Variants in PRSS1 observed in about 807,000 individuals in gnomAD.
PRSS1 encodes serine protease 1, also known as TCR V beta 4.1.
In PRSS1, 22 loss-of-function variants were observed where a neutral mutation model predicts 24.2. The ratio of observed to expected loss-of-function variants is 0.91; its 90% confidence interval spans 0.65 to 1.30. The LOEUF (loss-of-function observed/expected upper bound fraction) is 1.30. Among genes scored for constraint, PRSS1 ranks in the 50% most tolerant of loss-of-function variants. The pLI is 0.00. For synonymous variants in PRSS1, 126 were observed against 116.1 expected, an observed-to-expected ratio of 1.08 and a Z score of -0.55; for missense variants, 366 against 304.2, an observed-to-expected ratio of 1.20 and a Z score of -1.51.
rs1454337017 is a variant in PRSS1 at position 142,751,922 on chromosome 7, G to A, written c.349G>A (p.Ala117Thr). 3 of 1,613,906 alleles carry A rather than the reference G, an allele frequency of 1.9e-6. No individual in the cohort carries two copies. Among genetic ancestry groups the A allele is most frequent in the Non-Finnish European group, 2.5e-6 (3 of 1,180,018 alleles). Residue 117 changes from alanine to threonine, a missense_variant, in exon 3 of 5, where the codon GCA becomes ACA. Physicochemically the swap from Ala to Thr is moderately conservative, Grantham distance 58. Coordinates refer to ENST00000311737, the MANE Select transcript of PRSS1 (RefSeq NM_002769.5). ...CATGTTAATCAAGCTCTCCTCACGT[G>A]CAGTAATCAACGCCCGCGTGTCCAC... ...DIMLIKLSSRAVINARVSTIS... is the reference protein window; with the variant it reads ...DIMLIKLSSRTVINARVSTIS...
intron 2 of PRSS1, 85 bp from the exon 3 acceptor site, chr7:142,751,689 C>A: frequency 6.2e-7 from 1 of 1,612,942 alleles, no homozygotes. Flanking sequence ...TGTCCATGAG[C>A]AGAGAGCTTG....
intron 2 of PRSS1, chr7:142,751,223 G>A: frequency 1.6e-6 from 1 of 635,962 alleles, no homozygotes; most frequent in Non-Finnish European, 2.8e-6. Context: ...CGCCCTGCAG[G>A]CTTGTTAAGG....
intron 4 of PRSS1, 148 bp from the exon 5 acceptor site, chr7:142,752,720 G>T (rs1798857718): frequency 1.3e-6 from 2 of 1,500,930 alleles, no homozygotes; most frequent in Admixed American, 1.7e-5. Context: ...GCTGCATCTT[G>T]TCTGCTTAGG....
chr7:142,750,726 G>T lies in PRSS1; in HGVS notation c.200+12G>T, dbSNP rs1225621552. The T allele has an allele frequency of 6.2e-7, 1 of 1,613,706 alleles. No homozygotes were observed. Among genetic ancestry groups the T allele is most frequent in the Non-Finnish European group, 8.5e-7 (1 of 1,179,814 alleles). On this transcript the variant is annotated intron_variant, in intron 2 of 4. Transcript: ENST00000311737. ...CACTGCTACAAGTCGTAAGTGTGGG[G>T]CCCCCGACTGCAAAGCTCCCGGCCA... is the stretch of plus-strand genomic sequence containing the variant.
rs371622191 is a variant in PRSS1, at chr7:142,751,078, G to C, written c.200+364G>C. ...CTTTGTCCTATCCCAGGGCAATTAA[G>C]TCAAAATTTTCAGGAAGAGGGTGTG... On this transcript the variant is annotated intron_variant, in intron 2 of 4. Transcript: ENST00000311737. 68 of 597,008 alleles carry C rather than the reference G, an allele frequency of 1.1e-4. No homozygotes were observed. In the East Asian group the frequency reaches 1.6e-3, roughly 14 times the overall value. 37.0% of individuals were successfully genotyped at this position (597,008 alleles called of 1,614,324 possible).
At chr7:142,749,562 C>A (rs760254656) in intron 1 of PRSS1, 38 bp downstream of exon 1, 5 of 1,610,342 alleles carry the variant, frequency 3.1e-6, no homozygotes, top group Admixed American at 1.7e-5. Flanking sequence ...CAACCACCCC[C>A]CCGTTCCTGG....
chr7:142,752,729 G>A, intron 4 of PRSS1, 139 bp from the exon 5 acceptor site: 3 of 1,503,662 alleles, frequency 2.0e-6, no homozygotes, highest in Non-Finnish European at 2.8e-6. Flanking sequence ...TGTCTGCTTA[G>A]GAAGAACAGA....
Position 142,752,007 on chromosome 7 carries a change from G to A in PRSS1, c.434G>A (p.Gly145Asp). The A allele has an allele frequency of 6.2e-7, 1 of 1,614,126 alleles. No individual in the cohort carries two copies. Among genetic ancestry groups the A allele is most frequent in the Non-Finnish European group, 8.5e-7 (1 of 1,180,008 alleles). ...ACGAAGTGCCTCATCTCTGGCTGGG[G>A]CAACACTGCGAGCTCTGGCGGTGAG... ...TGTKCLISGWGNTASSGADYP... is the reference protein window; with the variant it reads ...TGTKCLISGWDNTASSGADYP... The change falls in exon 3 of 5, where the codon GGC (glycine) becomes GAC (aspartate). Residue 145 changes from glycine (G) to aspartate (D), a missense_variant. Physicochemically the swap from Gly to Asp is moderately conservative, Grantham distance 94. Coordinates refer to ENST00000311737, the MANE Select transcript of PRSS1 (RefSeq NM_002769.5).
chr7:142,752,077 A>G (rs1168799746), intron 3 of PRSS1, 50 bp downstream of exon 3: 1 of 1,612,850 alleles, frequency 6.2e-7, no homozygotes, highest in Admixed American at 1.7e-5. Flanking sequence ...CACAATTTCC[A>G]GAACAAACCA....
At chr7:142,750,925 G>T (rs1185438086) in intron 2 of PRSS1, 1 of 804,450 alleles carries the variant, frequency 1.2e-6, no homozygotes. Context: ...AGCAAGGGTT[G>T]TGGTCATAAA....
Position 142,751,864 on chromosome 7 carries a change from C to G in PRSS1, c.291C>G (p.Pro97=), listed in dbSNP as rs200763933. ...ATGCAGCCAAGATCATCCGCCACCCCCAATACGACAGGAAGACTCTGAACA... is the reference window on the plus strand; with the variant it reads ...ATGCAGCCAAGATCATCCGCCACCCGCAATACGACAGGAAGACTCTGAACA... ...FINAAKIIRH[P]QYDRKTLNND... The change falls in exon 3 of 5, where the codon CCC becomes CCG. Residue 97 remains proline (P), a synonymous_variant. Coordinates refer to ENST00000311737, the MANE Select transcript of PRSS1 (RefSeq NM_002769.5). The G allele has an allele frequency of 5.2e-5, 84 of 1,613,948 alleles. No homozygotes were observed. The highest frequency in any genetic ancestry group is 1.8e-4 in the Admixed American group (11 of 59,966).
chr7:142,752,839 C>G (rs965612722), intron 4 of PRSS1, 29 bp from the exon 5 acceptor site: 2 of 1,609,278 alleles, frequency 1.2e-6, no homozygotes, highest in African/African-American at 1.3e-5. Flanking sequence ...CTCCATCTCT[C>G]CATACAACTT....
Position 142,752,473 on chromosome 7 carries a change from T to C in PRSS1, c.497T>C (p.Leu166Pro), listed in dbSNP as rs776120935. The change falls in exon 4 of 5, where the codon CTG becomes CCG. Residue 166 changes from leucine to proline, a missense_variant. Coordinates refer to ENST00000311737, the MANE Select transcript of PRSS1 (RefSeq NM_002769.5). Reference sequence around the variant, plus strand: ...CTGCAGTGCCTGGATGCTCCTGTGCTGAGCCAGGCTAAGTGTGAAGCCTCC... The same window carrying C: ...CTGCAGTGCCTGGATGCTCCTGTGCCGAGCCAGGCTAAGTGTGAAGCCTCC... Reference protein sequence around the residue: ...DELQCLDAPVLSQAKCEASYP... With the variant: ...DELQCLDAPVPSQAKCEASYP... 3.1e-6 allele frequency: 5 copies of C among 1,614,034 alleles called. No homozygotes were observed. The highest frequency in any genetic ancestry group is 4.2e-6 in the Non-Finnish European group (5 of 1,180,004).
intron 1 of PRSS1, among the ~76,000 whole-genome samples, chr7:142,750,054 T>A (rs1339996153): frequency 9.5e-6 from 1 of 105,594 alleles, no homozygotes; most frequent in Non-Finnish European, 2.1e-5. Flanking sequence ...CTACCTTTGT[T>A]CTGCCAAAGT....
At chr7:142,750,047 C>T (rs186765543) in intron 1 of PRSS1, among the ~76,000 whole-genome samples, 257 of 152,192 alleles carry the variant, frequency 1.7e-3, no homozygotes, top group African/African-American at 5.9e-3. Flanking sequence ...ACAAAGTCTA[C>T]CTTTGTTCTG....
chr7:142,752,900 A>G lies in PRSS1; in HGVS notation c.624A>G (p.Gly208=). ...CTGGTGGCCCTGTGGTCTGCAATGGACAGCTCCAAGGAGTTGTCTCCTGGG... is the reference window on the plus strand; with the variant it reads ...CTGGTGGCCCTGTGGTCTGCAATGGGCAGCTCCAAGGAGTTGTCTCCTGGG... ...GDSGGPVVCN[G]QLQGVVSWGD... is the part of the protein sequence containing the mutation. Residue 208 remains glycine, a synonymous_variant, in exon 5 of 5, where the codon GGA becomes GGG. Coordinates refer to ENST00000311737, the MANE Select transcript of PRSS1 (RefSeq NM_002769.5). The G allele has an allele frequency of 6.2e-7, 1 of 1,614,142 alleles. No homozygotes were observed. The highest frequency in any genetic ancestry group is 1.1e-5 in the South Asian group (1 of 91,070).
Position 142,750,588 on chromosome 7 carries a change from T to C in PRSS1, c.74T>C (p.Val25Ala), listed in dbSNP as rs564368252. The C allele has an allele frequency of 1.3e-5, 21 of 1,614,030 alleles. No homozygotes were observed. Among genetic ancestry groups the C allele is most frequent in the South Asian group, 8.8e-5 (8 of 91,076 alleles). ...AAPFDDDDKI[V>A]GGYNCEENSV... ...CCCTTTGATGATGATGACAAGATCG[T>C]TGGGGGCTACAACTGTGAGGAGAAT... The change falls in exon 2 of 5, where the codon GTT becomes GCT. Residue 25 changes from valine (V) to alanine (A), a missense_variant. Val to Ala is a moderately conservative substitution (Grantham distance 64, BLOSUM62 0). Coordinates refer to ENST00000311737, the MANE Select transcript of PRSS1 (RefSeq NM_002769.5).
intron 2 of PRSS1, chr7:142,750,945 G>A (rs1271862159): frequency 2.6e-6 from 2 of 761,090 alleles, no homozygotes; most frequent in African/African-American, 1.7e-5. Flanking sequence ...AAGCAGGCAG[G>A]GATGATCTTG....
Position 142,749,544 on chromosome 7 carries a change from T to A in PRSS1, c.40+20T>A. On this transcript the variant is annotated intron_variant, in intron 1 of 4. Transcript: ENST00000311737. ...CTGCTCGTGAGTATCATGCCCTGCC[T>A]CAGGCCCCAACCACCCCCCCGTTCC... 1 of 1,613,866 alleles carries A rather than the reference T, an allele frequency of 6.2e-7. No individual in the cohort carries two copies. Among genetic ancestry groups the A allele is most frequent in the South Asian group, 1.1e-5 (1 of 91,060 alleles).
Sources: allele counts gnomAD v4.1 joint callset (sites outside exome capture counted in the v4.1 genomes callset), GRCh38; gene constraint gnomAD v4.1.1; transcripts MANE v1.5; gene names NCBI Gene and HGNC (gene_info 2026-07-23, HGNC 2026-07-21).